Variants in MKLN1 observed in about 807,000 individuals in gnomAD.
MKLN1 encodes the protein muskelin.
In MKLN1, 18 loss-of-function variants were observed where a neutral mutation model predicts 99.0. That is an observed-to-expected ratio of 0.18 (90% CI 0.13 to 0.27). The LOEUF (loss-of-function observed/expected upper bound fraction) is 0.27, where lower values mean the gene tolerates loss of function less well. Among genes scored for constraint, MKLN1 ranks in the 10% least tolerant of loss-of-function variants. The pLI is 1.00. For missense variants in MKLN1, 621 were observed against 875.9 expected (o/e 0.71, Z 3.67); for synonymous variants, 288 against 293.2 (o/e 0.98, Z 0.18).
intron 12 of MKLN1, among the ~76,000 whole-genome samples, chr7:131,460,291 C>T (rs555298227): frequency 6.6e-6 from 1 of 152,176 alleles, no homozygotes; most frequent in East Asian, 1.9e-4. Flanking sequence ...TAATTCATGT[C>T]TAAACTTTAA....
chr7:131,156,006 A>T (rs529653892), intron 2 of MKLN1, among the ~76,000 whole-genome samples: 71 of 152,338 alleles, frequency 4.7e-4, no homozygotes, highest in Non-Finnish European at 7.1e-4. Context: ...TTATAAAATT[A>T]GGTAAAAGAG....
chr7:131,250,984 T>C lies in MKLN1; in HGVS notation c.-179+48010T>C, dbSNP rs117922594. On this transcript the variant is annotated intron_variant, in intron 3 of 7. Coordinates refer to the MKLN1 transcript ENST00000416992. ...TAATAGCAGTAATACACAGAAAACC[T>C]GCAGAGCTCTTCAGAAAACTCAGAT... is the stretch of plus-strand genomic sequence containing the variant. 3.9e-3 allele frequency among the ~76,000 whole-genome samples: 588 copies of C among 152,218 alleles called. 4 individuals are homozygous for C. Among genetic ancestry groups the C allele is most frequent in the Non-Finnish European group, 6.9e-3 (471 of 68,022 alleles).
chr7:131,355,831 A>G (rs1799859755), intron 1 of MKLN1, among the ~76,000 whole-genome samples: 1 of 150,684 alleles, frequency 6.6e-6, no homozygotes, highest in Non-Finnish European at 1.5e-5. Context: ...CAGCCTTGAT[A>G]TTTTTTTCTA....
intron 3 of MKLN1, among the ~76,000 whole-genome samples, chr7:131,267,360 C>T (rs1797823241): frequency 1.3e-5 from 2 of 151,924 alleles, no homozygotes; most frequent in South Asian, 4.2e-4. Flanking sequence ...AATAAATATA[C>T]ATATAAATAA....
intron 8 of MKLN1, among the ~76,000 whole-genome samples, chr7:131,425,670 T>C (rs1795338284): frequency 6.6e-6 from 1 of 152,112 alleles, no homozygotes; most frequent in Admixed American, 6.5e-5. Flanking sequence ...AGAAAAAATA[T>C]AGAGAAGGGG....
At chr7:131,415,719 T>C (rs867163648) in intron 8 of MKLN1, among the ~76,000 whole-genome samples, 1 of 152,010 alleles carries the variant, frequency 6.6e-6, no homozygotes, top group Non-Finnish European at 1.5e-5. Flanking sequence ...GTCTTAGGCA[T>C]CTTTTTTTCT....
In MKLN1 at chr7:131,156,447, C is replaced by CAAAA. The variant is rs143988738; in HGVS notation, c.-297+13526_-297+13529dup. 2.8e-4 allele frequency among the ~76,000 whole-genome samples: 21 copies of CAAAA among 74,634 alleles called. 1 individual carries two copies. The highest frequency in any genetic ancestry group is 5.3e-4 in the South Asian group (1 of 1,892). The allele number at this position is 74,634 out of a possible 152,430, so 49.0% of individuals were successfully genotyped here. A position where few individuals can be genotyped will look rare whatever the true frequency, so the allele number is the denominator to read the frequency against. On this transcript the variant is annotated intron_variant, in intron 2 of 7. Transcript: ENST00000416992. Reference sequence around the variant, plus strand: ...TGGGTGACAGAGCAAGACTCTGTCTCAAAAAAAAAAAAAAAAAAAAAAAGA... The same window carrying CAAAA: ...TGGGTGACAGAGCAAGACTCTGTCTCAAAAAAAAAAAAAAAAAAAAAAAAAAAGA...
At chr7:131,436,850 C>T (rs1056632467) in intron 9 of MKLN1, among the ~76,000 whole-genome samples, 1 of 152,040 alleles carries the variant, frequency 6.6e-6, no homozygotes, top group African/African-American at 2.4e-5. Flanking sequence ...TGATAATATA[C>T]TGTTCTTAAT....
intron 3 of MKLN1, among the ~76,000 whole-genome samples, chr7:131,228,692 A>G (rs1457742807): frequency 6.6e-6 from 1 of 152,230 alleles, no homozygotes; most frequent in African/African-American, 2.4e-5. Context: ...CCCTCTCTTG[A>G]TGGGAAAACA....
In MKLN1 at chr7:131,437,908, T is replaced by A. The variant is rs1795721075; in HGVS notation, c.1084T>A (p.Tyr362Asn). The A allele has an allele frequency of 6.2e-7, 1 of 1,613,846 alleles. No individual in the cohort carries two copies. The highest frequency in any genetic ancestry group is 1.1e-5 in the South Asian group (1 of 91,080). The change falls in exon 10 of 18, where the codon TAT becomes AAT. Residue 362 changes from tyrosine (Y) to asparagine (N), a missense_variant. This residue lies in a region of MKLN1 where 361 missense variants were observed against 540.8 expected (regional missense o/e 0.67). Transcript: ENST00000352689. ...RNSKSLKSDF[Y>N]RYDIDTNTWM... ...CAGCAAATCTCTGAAAAGTGACTTC[T>A]ATCGTTATGACATTGATACAAACAC...
intron 12 of MKLN1, among the ~76,000 whole-genome samples, chr7:131,448,078 A>AT (rs2116532138): frequency 6.6e-6 from 1 of 152,256 alleles, no homozygotes; most frequent in South Asian, 2.1e-4. Flanking sequence ...AATACAAAAA[A>AT]TTAGCTGGGC....
intron 9 of MKLN1, among the ~76,000 whole-genome samples, chr7:131,435,560 T>C (rs960775053): frequency 6.6e-6 from 1 of 151,932 alleles, no homozygotes; most frequent in African/African-American, 2.4e-5. Flanking sequence ...TGGGCAATTA[T>C]GAATTCAGTT....
At chr7:131,233,600 A>C (rs1263795536) in intron 3 of MKLN1, among the ~76,000 whole-genome samples, 1 of 151,862 alleles carries the variant, frequency 6.6e-6, no homozygotes, top group Non-Finnish European at 1.5e-5. Flanking sequence ...AATATTTTAC[A>C]AGACTAAATT....
chr7:131,299,674 C>A (rs374508279), intron 3 of MKLN1, among the ~76,000 whole-genome samples: 1 of 152,270 alleles, frequency 6.6e-6, no homozygotes, highest in East Asian at 1.9e-4. Flanking sequence ...AGAGTTAATT[C>A]TAAACAGAAC....
rs144256871 is a variant in MKLN1, at chr7:131,153,663, G to GTTTTTTTTTTTTTTTTTT, written c.-297+10722_-297+10723insTTTTTTTTTTTTTTTTTT. 1.5e-5 allele frequency among the ~76,000 whole-genome samples: 2 copies of GTTTTTTTTTTTTTTTTTT among 135,246 alleles called. 1 individual carries two copies. The allele number at this position is 135,246 out of a possible 152,430, so 88.7% of individuals were successfully genotyped here. On this transcript the variant is annotated intron_variant, in intron 2 of 7. Transcript: ENST00000416992. The stretch of plus-strand genomic sequence containing the variant: ...TACAAAATGAAAGTAGGTTTTTTTT[G>GTTTTTTTTTTTTTTTTTT]GTTTTTTTTTTTTTTTTGAGAAGGA...
At chr7:131,249,585 T>C (rs901775884) in intron 3 of MKLN1, among the ~76,000 whole-genome samples, 2 of 152,026 alleles carry the variant, frequency 1.3e-5, no homozygotes, top group South Asian at 4.1e-4. Context: ...AGAGGCACAA[T>C]GGGGACAAGC....
chr7:131,133,708 A>T (rs1227350132), intron 1 of MKLN1, among the ~76,000 whole-genome samples: 1 of 150,048 alleles, frequency 6.7e-6, no homozygotes, highest in African/African-American at 2.5e-5. Flanking sequence ...GGCTAGTCTC[A>T]AACCCTGGGC....
chr7:131,395,323 T>C (rs1054751605), intron 4 of MKLN1, among the ~76,000 whole-genome samples: 1 of 152,034 alleles, frequency 6.6e-6, no homozygotes. Context: ...GAGATAACCA[T>C]TGTGGTTTGG....
At chr7:131,486,370 C>T (rs1438320193) in intron 17 of MKLN1, among the ~76,000 whole-genome samples, 1 of 151,942 alleles carries the variant, frequency 6.6e-6, no homozygotes, top group Non-Finnish European at 1.5e-5. Flanking sequence ...CGATAGTGGG[C>T]TTTGTTAAAC....
Sources: allele counts gnomAD v4.1 joint callset (sites outside exome capture counted in the v4.1 genomes callset), GRCh38; gene constraint gnomAD v4.1.1; regional missense constraint gnomAD v4.1.1; transcripts MANE v1.5; gene names NCBI Gene and HGNC (gene_info 2026-07-23, HGNC 2026-07-21).